Variants in ATP8B4 observed in about 807,000 individuals in gnomAD.
The protein encoded by ATP8B4 is probable phospholipid-transporting ATPase IM.
In ATP8B4, 133 loss-of-function variants were observed where a neutral mutation model predicts 145.6. The observed-to-expected ratio is 0.91, with a 90% CI of 0.79 to 1.05. ATP8B4 has a LOEUF of 1.05. Among genes scored for constraint, ATP8B4 ranks in the 50% least tolerant of loss-of-function variants. The pLI is 0.00. For synonymous variants in ATP8B4, 507 were observed against 492.9 expected, an observed-to-expected ratio of 1.03 and a Z score of -0.38; for missense variants, 1,458 against 1,425.2, an observed-to-expected ratio of 1.02 and a Z score of -0.37.
At chr15:50,141,504 T>G (rs2044209025) in intron 1 of ATP8B4, among the ~76,000 whole-genome samples, 1 of 152,124 alleles carries the variant, frequency 6.6e-6, no homozygotes, top group South Asian at 2.1e-4. Context: ...TAATACTTAT[T>G]GAGCGTCTCT....
chr15:50,080,252 T>TC (rs34835202), intron 2 of ATP8B4, among the ~76,000 whole-genome samples: 1 of 152,176 alleles, frequency 6.6e-6, no homozygotes, highest in African/African-American at 2.4e-5. Context: ...GCCATGTACT[T>TC]CCAGTTATAT....
intron 3 of ATP8B4, among the ~76,000 whole-genome samples, chr15:50,072,338 G>A (rs1170873223): frequency 6.6e-6 from 1 of 152,070 alleles, no homozygotes; most frequent in Non-Finnish European, 1.5e-5. Context: ...ATCACCTACA[G>A]AAACTACTCT....
intron 14 of ATP8B4, among the ~76,000 whole-genome samples, chr15:49,936,071 G>C (rs2041710908): frequency 6.6e-6 from 1 of 151,892 alleles, no homozygotes; most frequent in Admixed American, 6.6e-5. Flanking sequence ...CTTTTTATTG[G>C]TCTAAAGATT....
intron 21 of ATP8B4, 114 bp from the exon 22 acceptor site, chr15:49,898,365 C>T (rs1244054853): frequency 9.0e-7 from 1 of 1,111,666 alleles, no homozygotes; most frequent in African/African-American, 1.6e-5. Context: ...TAAACCATTT[C>T]ATTCACTCCA....
intron 20 of ATP8B4, 66 bp downstream of exon 20, chr15:49,916,866 ACT>A (rs2039788857): frequency 1.4e-6 from 2 of 1,435,434 alleles, no homozygotes; most frequent in Admixed American, 1.7e-5. Flanking sequence ...CACTTTCTCA[ACT>A]CTCTGATCTT....
intron 25 of ATP8B4, among the ~76,000 whole-genome samples, chr15:49,872,896 A>C (rs1363735511): frequency 6.6e-6 from 1 of 152,138 alleles, no homozygotes; most frequent in African/African-American, 2.4e-5. Flanking sequence ...ACCAATGCTA[A>C]TTTCATAGTT....
intron 15 of ATP8B4, among the ~76,000 whole-genome samples, chr15:49,933,308 G>C (rs998395754): frequency 6.6e-6 from 1 of 151,966 alleles, no homozygotes; most frequent in Non-Finnish European, 1.5e-5. Context: ...ATTTGAGAAA[G>C]AACCAAAGAC....
chr15:50,166,256 G>A (rs1274630327), intron 1 of ATP8B4, among the ~76,000 whole-genome samples: 1 of 152,144 alleles, frequency 6.6e-6, no homozygotes, highest in Non-Finnish European at 1.5e-5. Flanking sequence ...CAGATCTCCA[G>A]TACAAGAAAT....
chr15:49,881,131 AC>A (rs1450775533), intron 23 of ATP8B4, among the ~76,000 whole-genome samples: 3 of 151,918 alleles, frequency 2.0e-5, no homozygotes, highest in African/African-American at 4.8e-5. Context: ...AAACAAACAA[AC>A]AAAAAAAAGC....
intron 24 of ATP8B4, among the ~76,000 whole-genome samples, 188 bp downstream of exon 24, chr15:49,879,187 TG>T (rs1404950116): frequency 2.0e-5 from 3 of 152,104 alleles, no homozygotes; most frequent in Admixed American, 2.0e-4. Context: ...ATAATGCTTT[TG>T]GGGAAGCTAG....
intron 3 of ATP8B4, among the ~76,000 whole-genome samples, chr15:50,059,325 C>T (rs1290902733): frequency 2.6e-5 from 4 of 152,170 alleles, no homozygotes; most frequent in Non-Finnish European, 2.9e-5. Flanking sequence ...TCCTCTAAGT[C>T]ACTGAACTGA....
chr15:49,888,524 A>C lies in ATP8B4; in HGVS notation c.2697+8768T>G, dbSNP rs564341863. On this transcript the variant is annotated intron_variant, in intron 23 of 27. Transcript: ENST00000284509. The stretch of plus-strand genomic sequence containing the variant: ...AGTACACAGTACCAGTAGTTGCATA[A>C]TTTTAAGCATGAATTTTCTAAATAG... Among the ~76,000 whole-genome samples, 60 of 152,322 alleles carry C rather than the reference A, an allele frequency of 3.9e-4. No individual in the cohort carries two copies. The South Asian group carries it at 0.012, about 31-fold the overall frequency.
intron 3 of ATP8B4, among the ~76,000 whole-genome samples, chr15:50,072,903 A>G (rs1245318967): frequency 4.0e-5 from 5 of 124,750 alleles, no homozygotes; most frequent in African/African-American, 1.2e-4. Context: ...GACTACAGGC[A>G]TGAGTCACTG....
At chr15:49,949,139 T>C (rs2042839543) in intron 14 of ATP8B4, among the ~76,000 whole-genome samples, 3 of 152,236 alleles carry the variant, frequency 2.0e-5, no homozygotes, top group African/African-American at 7.2e-5. Flanking sequence ...TAGGATTGTC[T>C]TGGCTATACA....
chr15:50,140,157 C>T (rs925363201), intron 1 of ATP8B4, among the ~76,000 whole-genome samples: 1 of 151,918 alleles, frequency 6.6e-6, no homozygotes, highest in African/African-American at 2.4e-5. Context: ...GCTTGTACCC[C>T]AAAAGCTATT....
In ATP8B4 at chr15:49,858,935, C is replaced by T. The variant is rs2031152158; in HGVS notation, c.*1259G>A. ...TTGTGCTTTGACAGACAATCATCAA[C>T]CAACCACATGAGGTAGGTAGTATGT... On this transcript the variant is annotated 3_prime_UTR_variant, in exon 28 of 28. Transcript: ENST00000284509. 1 of 152,152 alleles carries T rather than the reference C, an allele frequency of 6.6e-6. No individual in the cohort carries two copies. Among genetic ancestry groups the T allele is most frequent in the Admixed American group, 6.5e-5 (1 of 15,282 alleles). 9.4% of individuals were successfully genotyped at this position (152,152 alleles called of 1,614,324 possible). A position where few individuals can be genotyped will look rare whatever the true frequency, so the allele number is the denominator to read the frequency against.
intron 10 of ATP8B4, 103 bp downstream of exon 10, chr15:49,987,288 A>G: frequency 7.5e-7 from 1 of 1,341,386 alleles, no homozygotes; most frequent in Non-Finnish European, 1.0e-6. Flanking sequence ...CTTTGCATGG[A>G]ATGAAAGCAC....
intron 6 of ATP8B4, among the ~76,000 whole-genome samples, chr15:50,022,968 A>C (rs747899744): frequency 8.5e-5 from 13 of 152,174 alleles, no homozygotes; most frequent in Non-Finnish European, 1.9e-4. Context: ...TCTATATGAT[A>C]ATTTTTTGCC....
chr15:49,869,453 T>TA (rs976434070), intron 25 of ATP8B4, among the ~76,000 whole-genome samples: 1 of 151,032 alleles, frequency 6.6e-6, no homozygotes, highest in African/African-American at 2.4e-5. Flanking sequence ...AAATGTAAAC[T>TA]AAAAAAAAGC....
Sources: gnomAD v4.1 joint callset for allele counts (sites outside exome capture counted in the v4.1 genomes callset) on GRCh38, gnomAD v4.1.1 for gene constraint, MANE v1.5 for transcripts, NCBI Gene and HGNC (gene_info 2026-07-23, HGNC 2026-07-21) for gene names.